Variants in RHOD observed in about 807,000 individuals in gnomAD.
RHOD encodes rho-related GTP-binding protein RhoD.
A neutral mutation model predicts 16.7 loss-of-function variants in RHOD; 11 were observed. The ratio of observed to expected loss-of-function variants is 0.66; its 90% confidence interval spans 0.41 to 1.09. The LOEUF (loss-of-function observed/expected upper bound fraction) is 1.09. RHOD is among the 50% of genes least tolerant of loss of function. RHOD has a pLI of 0.00. For synonymous variants in RHOD, 124 were observed against 126.3 expected, an observed-to-expected ratio of 0.98 and a Z score of 0.12; for missense variants, 271 against 291.7, an observed-to-expected ratio of 0.93 and a Z score of 0.52.
chr11:67,065,353 C>T (rs932215248), intron 1 of RHOD, among the ~76,000 whole-genome samples: 13 of 151,964 alleles, frequency 8.6e-5, no homozygotes, highest in East Asian at 3.9e-4. Context: ...GGATTACAGG[C>T]GTGAGCCAGC....
intron 1 of RHOD, among the ~76,000 whole-genome samples, chr11:67,062,995 G>A (rs1263701583): frequency 6.6e-6 from 1 of 152,234 alleles, no homozygotes; most frequent in East Asian, 1.9e-4. Flanking sequence ...CACCTTCATG[G>A]AAAGGCAGCA....
chr11:67,070,787 C>T (rs147665598), intron 4 of RHOD, among the ~76,000 whole-genome samples: 2 of 152,290 alleles, frequency 1.3e-5, no homozygotes, highest in African/African-American at 4.8e-5. Context: ...ATATCAGAGT[C>T]AGTTCCACCA....
At chr11:67,060,904 A>G (rs1854878645) in intron 1 of RHOD, among the ~76,000 whole-genome samples, 1 of 152,234 alleles carries the variant, frequency 6.6e-6, no homozygotes, top group Non-Finnish European at 1.5e-5. Context: ...GGGAGCTCAG[A>G]TGCAAGGGCA....
intron 1 of RHOD, among the ~76,000 whole-genome samples, chr11:67,064,933 C>T (rs1243472122): frequency 1.3e-5 from 2 of 152,052 alleles, no homozygotes; most frequent in Non-Finnish European, 2.9e-5. Context: ...AAAAGAAAAA[C>T]GGGAGTCCCC....
intron 1 of RHOD, among the ~76,000 whole-genome samples, chr11:67,064,134 C>T (rs1309783831): frequency 3.9e-5 from 5 of 129,248 alleles, no homozygotes; most frequent in Admixed American, 8.3e-5. Context: ...AGGCCGGGCG[C>T]GGTGGCTCAC....
At chr11:67,058,469 C>A (rs1854845737) in intron 1 of RHOD, among the ~76,000 whole-genome samples, 1 of 152,192 alleles carries the variant, frequency 6.6e-6, no homozygotes, top group African/African-American at 2.4e-5. Context: ...AGCCACCACA[C>A]CCAGCCAATT....
intron 3 of RHOD, among the ~76,000 whole-genome samples, chr11:67,067,306 C>T (rs1854970722): frequency 6.6e-6 from 1 of 152,328 alleles, no homozygotes; most frequent in East Asian, 1.9e-4. Context: ...TCTGCTCCAG[C>T]TGCCTTTAGC....
At chr11:67,064,243 A>G (rs1854930805) in intron 1 of RHOD, among the ~76,000 whole-genome samples, 1 of 151,292 alleles carries the variant, frequency 6.6e-6, no homozygotes, top group Non-Finnish European at 1.5e-5. Context: ...CGTCTCTACT[A>G]AAAATACAAA....
rs1271836442 is a variant in RHOD, at chr11:67,070,600, G to A, written c.465+41G>A. ...CGAGGTGGGAGTTGGGGAGGACTGA[G>A]TGAGGGGACCTCTGGATGCCTCTCA... On this transcript the variant is annotated intron_variant, in intron 4 of 4. Transcript: ENST00000308831. 4.3e-6 allele frequency: 7 copies of A among 1,611,854 alleles called. No homozygotes were observed. The South Asian group carries it at 7.7e-5, about 18-fold the overall frequency.
intron 3 of RHOD, among the ~76,000 whole-genome samples, chr11:67,068,207 G>C (rs1042775626): frequency 2.0e-5 from 3 of 152,230 alleles, no homozygotes; most frequent in African/African-American, 7.2e-5. Context: ...GTGTCCGGCA[G>C]GCAGTGCGAT....
chr11:67,058,100 A>C (rs1854840392), intron 1 of RHOD, among the ~76,000 whole-genome samples: 1 of 152,076 alleles, frequency 6.6e-6, no homozygotes, highest in South Asian at 2.1e-4. Context: ...GGTTCAAGCG[A>C]TTCTCTTGCC....
chr11:67,064,201 T>C (rs2136247064), intron 1 of RHOD, among the ~76,000 whole-genome samples: 1 of 146,300 alleles, frequency 6.8e-6, no homozygotes, highest in Admixed American at 6.9e-5. Flanking sequence ...GGTCAGGAGA[T>C]CGAGACCATC....
intron 1 of RHOD, among the ~76,000 whole-genome samples, chr11:67,060,233 T>C (rs1232749668): frequency 6.6e-6 from 1 of 152,186 alleles, no homozygotes. Flanking sequence ...CGACACTCCC[T>C]CTTGAGCCAG....
rs199564405 is a variant in RHOD, at chr11:67,066,825, G to A, written c.308G>A (p.Ser103Asn). 5.0e-6 allele frequency: 8 copies of A among 1,613,140 alleles called. No homozygotes were observed. The highest frequency in any genetic ancestry group is 6.8e-6 in the Non-Finnish European group (8 of 1,179,202). The change falls in exon 3 of 5, where the codon AGC becomes AAC. Residue 103 changes from serine to asparagine, a missense_variant. Coordinates refer to ENST00000308831, the MANE Select transcript of RHOD (RefSeq NM_014578.4). ...LLCFDVTSPNSFDNIFNRWYP... is the reference protein window; with the variant it reads ...LLCFDVTSPNNFDNIFNRWYP... ...TGCTTCGATGTCACCAGCCCGAACAGCTTTGACAACATCTTTAACCGGGTA... is the reference window on the plus strand; with the variant it reads ...TGCTTCGATGTCACCAGCCCGAACAACTTTGACAACATCTTTAACCGGGTA...
At chr11:67,066,326 C>T (rs1854959058) in intron 2 of RHOD, among the ~76,000 whole-genome samples, 1 of 152,212 alleles carries the variant, frequency 6.6e-6, no homozygotes, top group Non-Finnish European at 1.5e-5. Context: ...CTGACCTTGC[C>T]TATACCAGGG....
Position 67,071,594 on chromosome 11 carries a change from G to A in RHOD, c.625G>A (p.Val209Met), listed in dbSNP as rs1178911520. 3 of 1,605,376 alleles carry A rather than the reference G, an allele frequency of 1.9e-6. No individual in the cohort carries two copies. Among genetic ancestry groups the A allele is most frequent in the African/African-American group, 1.3e-5 (1 of 74,716 alleles). Residue 209 changes from valine to methionine, a missense_variant, in exon 5 of 5, where the codon GTG (valine) becomes ATG (methionine). Physicochemically the swap from Val to Met is conservative, Grantham distance 21. Coordinates refer to ENST00000308831, the MANE Select transcript of RHOD (RefSeq NM_014578.4). ...GCGGATTACCCAGGGCTTTTGCGTG[G>A]TGACCTGAGCGGCTCGGGGCGTCCC... The part of the protein sequence containing the change: ...WRRITQGFCV[V>M]T
rs185669897 is a variant in RHOD, at chr11:67,071,843, C to A, written c.*241C>A. ...AGAATCACTCGCTAACCCCTATGCC[C>A]GGTCCCGGACCGACATCCTGGAGCC... is the stretch of plus-strand genomic sequence containing the variant. On this transcript the variant is annotated 3_prime_UTR_variant, in exon 5 of 5. Coordinates refer to ENST00000308831, the MANE Select transcript of RHOD (RefSeq NM_014578.4). 2 of 442,304 alleles carry A rather than the reference C, an allele frequency of 4.5e-6. No individual in the cohort carries two copies. The highest frequency in any genetic ancestry group is 7.2e-5 in the East Asian group (2 of 27,880). 27.4% of individuals were successfully genotyped at this position (442,304 alleles called of 1,614,324 possible).
intron 2 of RHOD, 21 bp downstream of exon 2, chr11:67,066,004 CA>C: frequency 8.6e-6 from 6 of 700,722 alleles, no homozygotes; most frequent in Non-Finnish European, 1.6e-5. Flanking sequence ...AGGGGTGGGG[CA>C]GGGTGGGAGG....
At position 67,056,883 on chromosome 11, in the gene RHOD, G is replaced by T. The variant is rs1366422392; in HGVS notation, c.-20G>T. On this transcript the variant is annotated 5_prime_UTR_variant, in exon 1 of 5. Coordinates refer to ENST00000308831, the MANE Select transcript of RHOD (RefSeq NM_014578.4). ...CTGCGCCGCAGCCGCCCGCCCGCCC[G>T]CTCAGCGCCCGGCCCCGGGATGACG... is the stretch of plus-strand genomic sequence containing the variant. The T allele has an allele frequency of 7.2e-7, 1 of 1,382,382 alleles. No homozygotes were observed. Among genetic ancestry groups the T allele is most frequent in the Non-Finnish European group, 9.3e-7 (1 of 1,079,240 alleles). 85.6% of individuals were successfully genotyped at this position (1,382,382 alleles called of 1,614,324 possible). A position where few individuals can be genotyped will look rare whatever the true frequency, so the allele number is the denominator to read the frequency against.
Sources: gnomAD v4.1 joint callset for allele counts (sites outside exome capture counted in the v4.1 genomes callset) on GRCh38, gnomAD v4.1.1 for gene constraint, MANE v1.5 for transcripts, NCBI Gene and HGNC (gene_info 2026-07-23, HGNC 2026-07-21) for gene names.